The following MYO10 variants were observed in gnomAD, a reference collection of about 807,000 sequenced individuals.
MYO10 encodes the protein unconventional myosin-X.
Under a neutral mutation model 257.3 loss-of-function variants are expected in MYO10, and 133 were observed. The ratio of observed to expected loss-of-function variants is 0.52; its 90% CI spans 0.45 to 0.60. The LOEUF (loss-of-function observed/expected upper bound fraction) is 0.60, where lower values mean the gene tolerates loss of function less well. MYO10 is among the 20% of genes least tolerant of loss of function. The probability of loss-of-function intolerance (pLI) is 0.00; values close to 1 mark genes in which losing one functional copy is unlikely to be tolerated. For synonymous variants in MYO10, 1,104 were observed against 1,028.6 expected (o/e 1.07, Z -1.40); for missense variants, 2,399 against 2,635.7 (o/e 0.91, Z 1.97).
chr5:16,735,029 G>T (rs764067059), intron 19 of MYO10, among the ~76,000 whole-genome samples: 1 of 152,108 alleles, frequency 6.6e-6, no homozygotes, highest in Admixed American at 6.5e-5. Context: ...ACAAACCAAT[G>T]ACCTGTGGCT....
chr5:16,758,516 T>C (rs1432547781), intron 17 of MYO10, among the ~76,000 whole-genome samples: 1 of 152,202 alleles, frequency 6.6e-6, no homozygotes, highest in African/African-American at 2.4e-5. Flanking sequence ...TGGAATGCCA[T>C]CTAAGCCTCT....
At chr5:16,815,470 G>A in intron 3 of MYO10, 3 of 699,934 alleles carry the variant, frequency 4.3e-6, no homozygotes, top group Non-Finnish European at 7.8e-6. Flanking sequence ...GCACCTACAA[G>A]AGACATACAC....
rs1486094693 is a variant in MYO10 at position 16,779,660 on chromosome 5, CA to C, written c.827-13del. The stretch of plus-strand genomic sequence containing the variant: ...TAAATAAAATTCTTCTACAGAAAGA[CA>C]AAAACATGATGTCACAGTTCTCCAG... On this transcript the variant is annotated splice_polypyrimidine_tract_variant and intron_variant, in intron 8 of 40. Transcript: ENST00000513610. The C allele has an allele frequency of 6.7e-7, 1 of 1,498,914 alleles. No individual in the cohort carries two copies. Among genetic ancestry groups the C allele is most frequent in the East Asian group, 2.3e-5 (1 of 43,994 alleles). The allele number at this position is 1,498,914 out of a possible 1,614,324, so 92.9% of individuals were successfully genotyped here.
At chr5:16,680,417 G>A (rs988458442) in intron 32 of MYO10, among the ~76,000 whole-genome samples, 1 of 152,110 alleles carries the variant, frequency 6.6e-6, no homozygotes, top group Non-Finnish European at 1.5e-5. Context: ...CTCTTTTTGG[G>A]CTCTGGAACA....
chr5:16,916,045 T>C (rs1745806751), intron 1 of MYO10: 1 of 456,036 alleles, frequency 2.2e-6, no homozygotes, highest in Non-Finnish European at 4.4e-6. Flanking sequence ...ATTCAAAGCA[T>C]GTCGCTTACC....
In MYO10 at chr5:16,821,443, C is replaced by CTTT. The variant is rs571931909; in HGVS notation, c.121-3279_121-3277dup. 3.6e-4 allele frequency among the ~76,000 whole-genome samples: 25 copies of CTTT among 70,260 alleles called. 3 individuals carry two copies. The highest frequency in any genetic ancestry group is 6.7e-4 in the African/African-American group (11 of 16,382). 46.1% of individuals were successfully genotyped at this position (70,260 alleles called of 152,430 possible). A position where few individuals can be genotyped will look rare whatever the true frequency, so the allele number is the denominator to read the frequency against. ...ATTTGACTTCCTTTCCTCCTATTTT[C>CTTT]TTTTTTTTTTTTTTTTTTTTTTTTT... On this transcript the variant is annotated intron_variant, in intron 2 of 40. Transcript: ENST00000513610.
intron 1 of MYO10, among the ~76,000 whole-genome samples, chr5:16,898,933 C>CAGGAGTT (rs1745297033): frequency 1.7e-5 from 2 of 114,598 alleles, no homozygotes; most frequent in South Asian, 3.0e-4. Flanking sequence ...ATCACCTGAG[C>CAGGAGTT]CTGGCCACCT....
Position 16,701,035 on chromosome 5 carries a change from GTCGGGGGACCAC to G in MYO10, c.3348_3359del (p.Gln1116_Asp1120delinsHis). 1 of 1,564,248 alleles carries G rather than the reference GTCGGGGGACCAC, an allele frequency of 6.4e-7. No individual in the cohort carries two copies. The highest frequency in any genetic ancestry group is 1.7e-4 in the Middle Eastern group (1 of 6,006). ...TGTAGGTCCCCACAGAGCAGCGGTA[GTCGGGGGACCAC>G]TGGCTGCCGTAGGAGTTGGAGAAGG... On this transcript the variant is annotated inframe_deletion, in exon 25 of 41. Coordinates refer to ENST00000513610, the MANE Select transcript of MYO10 (RefSeq NM_012334.3). This position sits in a 1 kb window ranked among gnomAD's most constrained non-coding sequence, Gnocchi z 8.1.
At chr5:16,893,484 A>AT (rs1745127972) in intron 1 of MYO10, among the ~76,000 whole-genome samples, 1 of 151,774 alleles carries the variant, frequency 6.6e-6, no homozygotes, top group South Asian at 2.1e-4. Flanking sequence ...GAATACAAAA[A>AT]TTAGCCAGGT....
At chr5:16,912,003 T>C (rs1434947346) in intron 1 of MYO10, among the ~76,000 whole-genome samples, 1 of 151,956 alleles carries the variant, frequency 6.6e-6, no homozygotes, top group African/African-American at 2.4e-5. Context: ...CCATTGCACT[T>C]CAGCCTGGGC....
intron 19 of MYO10, among the ~76,000 whole-genome samples, chr5:16,713,743 G>A (rs1161175927): frequency 6.6e-6 from 1 of 152,198 alleles, no homozygotes; most frequent in East Asian, 1.9e-4. Context: ...CTTTTCGGCT[G>A]CAATTTCCTT....
At chr5:16,709,528 G>T (rs541797049) in intron 21 of MYO10, among the ~76,000 whole-genome samples, 75 of 152,304 alleles carry the variant, frequency 4.9e-4, no homozygotes, top group African/African-American at 1.7e-3. Context: ...GGAGCTGCGA[G>T]TGGTTCCCAG....
In MYO10 at chr5:16,700,888, T is replaced by C. The variant is rs934244908; in HGVS notation, c.3432+75A>G. 19 of 1,431,840 alleles carry C rather than the reference T, an allele frequency of 1.3e-5. No individual in the cohort carries two copies. In the Admixed American group the frequency reaches 3.7e-4, roughly 28 times the overall value. The allele number at this position is 1,431,840 out of a possible 1,614,324, so 88.7% of individuals were successfully genotyped here. A position where few individuals can be genotyped will look rare whatever the true frequency, so the allele number is the denominator to read the frequency against. On this transcript the variant is annotated intron_variant, in intron 25 of 40. Coordinates refer to ENST00000513610, the MANE Select transcript of MYO10 (RefSeq NM_012334.3). ...CACAGATATCCTACGGGTATCTTCATTCAACTTGAGGATGCAACAGGGGTG... is the reference window on the plus strand; with the variant it reads ...CACAGATATCCTACGGGTATCTTCACTCAACTTGAGGATGCAACAGGGGTG...
chr5:16,681,194 C>G lies in MYO10; in HGVS notation c.4384+115G>C, dbSNP rs554347281. 2.6e-6 allele frequency: 3 copies of G among 1,167,930 alleles called. No homozygotes were observed. In the East Asian group the frequency reaches 7.5e-5, roughly 29 times the overall value. 72.3% of individuals were successfully genotyped at this position (1,167,930 alleles called of 1,614,324 possible). ...AGGCTTAGAAGATAAACCAAGAGGA[C>G]AACTTCTTTGGGGGGAAATAAAGTA... is the stretch of plus-strand genomic sequence containing the variant. On this transcript the variant is annotated intron_variant, in intron 32 of 40. Coordinates refer to ENST00000513610, the MANE Select transcript of MYO10 (RefSeq NM_012334.3).
Position 16,838,226 on chromosome 5 carries a change from G to A in MYO10, c.121-20059C>T, listed in dbSNP as rs530390672. The stretch of plus-strand genomic sequence containing the variant: ...GTGAGGAAGGCATGGCGAAAGTTAA[G>A]ACAAGCTGGAAGCCAAACAGCCAAG... On this transcript the variant is annotated intron_variant, in intron 2 of 40. Transcript: ENST00000513610. Among the ~76,000 whole-genome samples, 23 of 152,338 alleles carry A rather than the reference G, an allele frequency of 1.5e-4. No homozygotes were observed. The South Asian group carries it at 3.3e-3, about 22-fold the overall frequency.
Position 16,665,437 on chromosome 5 carries a change from TATAAAA to T in MYO10, c.*1249_*1254del, listed in dbSNP as rs949608960. 1.2e-4 allele frequency: 18 copies of T among 152,196 alleles called. No homozygotes were observed. Among genetic ancestry groups the T allele is most frequent in the African/African-American group, 3.9e-4 (16 of 41,462 alleles). The allele number at this position is 152,196 out of a possible 1,614,324, so 9.4% of individuals were successfully genotyped here. On this transcript the variant is annotated 3_prime_UTR_variant, in exon 41 of 41. Transcript: ENST00000513610. Reference sequence around the variant, plus strand: ...GGCCCAAGTCCTTAAAACTTTTCCATATAAAAATAAAAAGTCCAAGACCAGATTATT... The same window carrying T: ...GGCCCAAGTCCTTAAAACTTTTCCATATAAAAAGTCCAAGACCAGATTATT...
At chr5:16,860,450 A>T (rs1317779742) in intron 2 of MYO10, among the ~76,000 whole-genome samples, 1 of 152,182 alleles carries the variant, frequency 6.6e-6, no homozygotes, top group African/African-American at 2.4e-5. Context: ...TTAAATGCAG[A>T]TCCCAGGCCC....
chr5:16,710,855 A>G (rs1579879969), intron 21 of MYO10, 53 bp downstream of exon 21: 6 of 1,466,330 alleles, frequency 4.1e-6, no homozygotes, highest in Non-Finnish European at 5.7e-6. Flanking sequence ...TGTGAGCATC[A>G]CCCCGAGATC....
chr5:16,704,501 A>G (rs1738239258), intron 22 of MYO10, 78 bp downstream of exon 22: 4 of 1,264,602 alleles, frequency 3.2e-6, no homozygotes, highest in Non-Finnish European at 4.5e-6. Flanking sequence ...ACCTCAGGCC[A>G]CTCCACTGGA....
Sources: gnomAD v4.1 joint callset for allele counts (sites outside exome capture counted in the v4.1 genomes callset) on GRCh38, gnomAD v4.1.1 for gene constraint, Gnocchi (gnomAD v3.1) non-coding constraint, MANE v1.5 for transcripts, NCBI Gene and HGNC (gene_info 2026-07-23, HGNC 2026-07-21) for gene names.